Variants in PLA2G6 observed in about 807,000 individuals in gnomAD.
PLA2G6 encodes the protein 85/88 kDa calcium-independent phospholipase A2.
Under a neutral mutation model 83.8 loss-of-function variants are expected in PLA2G6, and 62 were observed. The ratio of observed to expected loss-of-function variants is 0.74; its 90% CI spans 0.60 to 0.91. The LOEUF (loss-of-function observed/expected upper bound fraction) is 0.91, where lower values mean the gene tolerates loss of function less well. Ranked by LOEUF, PLA2G6 falls within the 40% of genes least tolerant of loss-of-function variation. The pLI is 0.00. For synonymous variants in PLA2G6, 417 were observed against 449.8 expected (o/e 0.93, Z 0.92); for missense variants, 944 against 1,102.0 (o/e 0.86, Z 2.03).
intron 1 of PLA2G6, among the ~76,000 whole-genome samples, chr22:38,174,400 A>AG (rs1329000714): frequency 2.2e-4 from 26 of 116,902 alleles, no homozygotes; most frequent in South Asian, 1.4e-3. Flanking sequence ...TGTCTCAAAA[A>AG]AAAAGAAAGA....
At chr22:38,165,520 G>A (rs987367247) in intron 2 of PLA2G6, among the ~76,000 whole-genome samples, 31 of 152,204 alleles carry the variant, frequency 2.0e-4, no homozygotes, top group African/African-American at 7.2e-4. Flanking sequence ...TGAGAACACA[G>A]AGGCAGAAAC....
chr22:38,161,583 T>C (rs1381886147), intron 2 of PLA2G6, among the ~76,000 whole-genome samples: 1 of 152,020 alleles, frequency 6.6e-6, no homozygotes, highest in South Asian at 2.1e-4. Context: ...ATTGTTCAAA[T>C]GGTGTCAAGA....
chr22:38,155,100 G>A (rs1478603000), intron 2 of PLA2G6, among the ~76,000 whole-genome samples: 4 of 152,014 alleles, frequency 2.6e-5, no homozygotes, highest in South Asian at 2.1e-4. Flanking sequence ...GGTGGCGGGC[G>A]CCTGTAATCC....
intron 2 of PLA2G6, among the ~76,000 whole-genome samples, chr22:38,151,451 G>A (rs2089556075): frequency 6.6e-6 from 1 of 152,108 alleles, no homozygotes. Flanking sequence ...ACGTAGCCCA[G>A]GCTGGTCTGG....
intron 2 of PLA2G6, 30 bp from the exon 3 acceptor site, chr22:38,145,683 C>T (rs1342969331): frequency 4.0e-6 from 6 of 1,507,596 alleles, no homozygotes; most frequent in East Asian, 2.3e-5. Flanking sequence ...GAGCAAGACC[C>T]GAAATGAGTA....
At chr22:38,112,475 G>T (rs1427773906) in intron 16 of PLA2G6, 29 bp downstream of exon 16, 3 of 1,542,002 alleles carry the variant, frequency 1.9e-6, no homozygotes, top group African/African-American at 2.7e-5. Flanking sequence ...AGGGCACGGG[G>T]CCAAGGGCTG....
intron 3 of PLA2G6, chr22:38,144,098 G>C (rs950452225): frequency 6.3e-5 from 10 of 157,762 alleles, no homozygotes; most frequent in Non-Finnish European, 9.8e-5. Context: ...ATCTAGGATA[G>C]AGACTCAGAG....
At chr22:38,120,502 G>C (rs1041671255) in intron 12 of PLA2G6, among the ~76,000 whole-genome samples, 2 of 151,510 alleles carry the variant, frequency 1.3e-5, no homozygotes, top group African/African-American at 2.4e-5. Context: ...CGGCAGGGCA[G>C]AGCCGGGCAG....
chr22:38,148,386 G>C lies in PLA2G6; in HGVS notation c.210-2733C>G, dbSNP rs544007314. The stretch of plus-strand genomic sequence containing the variant: ...CACTTTCCATTAACAGCAGACTAGG[G>C]AATGTGAAACAGACCACCTACTGAG... On this transcript the variant is annotated intron_variant, in intron 2 of 16. Coordinates refer to ENST00000332509, the MANE Select transcript of PLA2G6 (RefSeq NM_003560.4). 1.3e-4 allele frequency: 85 copies of C among 647,642 alleles called. No individual in the cohort carries two copies. In the Middle Eastern group the frequency reaches 1.7e-3, roughly 13 times the overall value. 40.1% of individuals were successfully genotyped at this position (647,642 alleles called of 1,614,324 possible).
In PLA2G6 at chr22:38,132,560, T is replaced by C; in HGVS notation, c.1077+271A>G. 1 of 554,070 alleles carries C rather than the reference T, an allele frequency of 1.8e-6. No homozygotes were observed. 34.3% of individuals were successfully genotyped at this position (554,070 alleles called of 1,614,324 possible). A position where few individuals can be genotyped will look rare whatever the true frequency, so the allele number is the denominator to read the frequency against. On this transcript the variant is annotated intron_variant, in intron 7 of 16. Coordinates refer to ENST00000332509, the MANE Select transcript of PLA2G6 (RefSeq NM_003560.4). The surrounding 1 kb of genome is among the most constrained non-coding windows in gnomAD (Gnocchi z 5.0). ...GCCAGTCTATGGCCAGAGCTGTCAT[T>C]TTTCCCTCTCGTGCCATGCAAGTGC...
intron 2 of PLA2G6, among the ~76,000 whole-genome samples, chr22:38,167,491 C>T (rs990966430): frequency 6.6e-5 from 10 of 152,040 alleles, no homozygotes; most frequent in Non-Finnish European, 1.2e-4. Flanking sequence ...TCCAGCTCTC[C>T]AAGGAGTGGA....
chr22:38,119,306 G>A (rs1002428749), intron 12 of PLA2G6, among the ~76,000 whole-genome samples: 2 of 152,162 alleles, frequency 1.3e-5, no homozygotes, highest in African/African-American at 4.8e-5. Flanking sequence ...AGGGATGCTT[G>A]ACCCACTGCT....
At chr22:38,125,237 T>C (rs944800816) in intron 10 of PLA2G6, among the ~76,000 whole-genome samples, 3 of 152,174 alleles carry the variant, frequency 2.0e-5, no homozygotes, top group Non-Finnish European at 4.4e-5. Context: ...TGCATGTGTG[T>C]GCGTGTCCAT....
Position 38,165,705 on chromosome 22 carries a change from C to T in PLA2G6, c.209+3513G>A, listed in dbSNP as rs538524933. ...TGGCTAAGAGTAGATGGTGAAACCC[C>T]GTCTCTACTAAAAATACAAAAAAAA... is the stretch of plus-strand genomic sequence containing the variant. On this transcript the variant is annotated intron_variant, in intron 2 of 16. Transcript: ENST00000332509. Among the ~76,000 whole-genome samples, 9 of 152,016 alleles carry T rather than the reference C, an allele frequency of 5.9e-5. No individual in the cohort carries two copies. The South Asian group carries it at 6.2e-4, about 11-fold the overall frequency.
chr22:38,136,291 A>G (rs1414862638), intron 5 of PLA2G6: 1 of 152,182 alleles, frequency 6.6e-6, no homozygotes, highest in Non-Finnish European at 1.5e-5. Context: ...TTGTACACTT[A>G]AAAGTGGTTA....
intron 12 of PLA2G6, among the ~76,000 whole-genome samples, chr22:38,120,119 C>T (rs1317336449): frequency 6.6e-6 from 1 of 152,186 alleles, no homozygotes; most frequent in Non-Finnish European, 1.5e-5. Flanking sequence ...CCTCTTGGAA[C>T]ACACCATTCA....
At chr22:38,140,295 G>T (rs751187382) in intron 4 of PLA2G6, 126 bp from the exon 5 acceptor site, 40 of 810,840 alleles carry the variant, frequency 4.9e-5, no homozygotes, top group Non-Finnish European at 7.0e-5. Context: ...ATCACCTGAG[G>T]TCAAGAGTTT....
At chr22:38,113,824 C>T (rs760259453) in intron 14 of PLA2G6, 170 bp from the exon 15 acceptor site, 8 of 715,716 alleles carry the variant, frequency 1.1e-5, no homozygotes, top group African/African-American at 3.5e-5. Context: ...GCCTCTTGCA[C>T]GTGACCCCAG....
At chr22:38,135,107 T>G in intron 5 of PLA2G6, 23 bp from the exon 6 acceptor site, 1 of 1,571,056 alleles carries the variant, frequency 6.4e-7, no homozygotes, top group Non-Finnish European at 8.8e-7. Context: ...GGGCCCCGGT[T>G]GGTGAGCAGA....
Sources: gnomAD v4.1 joint callset for allele counts (sites outside exome capture counted in the v4.1 genomes callset) on GRCh38, gnomAD v4.1.1 for gene constraint, Gnocchi (gnomAD v3.1) non-coding constraint, MANE v1.5 for transcripts, NCBI Gene and HGNC (gene_info 2026-07-23, HGNC 2026-07-21) for gene names.